Variants in DCAF8L2 observed in about 807,000 individuals in gnomAD.
DCAF8L2 encodes the protein DDB1- and CUL4-associated factor 8-like protein 2.
For synonymous variants in DCAF8L2, 200 were observed against 190.9 expected, an observed-to-expected ratio of 1.05 and a Z score of -0.39; for missense variants, 430 against 490.7, an observed-to-expected ratio of 0.88 and a Z score of 1.17.
intron 4 of DCAF8L2, among the ~76,000 whole-genome samples, chrX:27,737,607 C>G (rs1921603604): frequency 8.9e-6 from 1 of 111,821 alleles, no homozygotes; most frequent in Non-Finnish European, 1.9e-5. Context: ...AAAACAGTAT[C>G]CCCTGTCACT....
At chrX:27,595,727 G>T (rs1007274152) in intron 1 of DCAF8L2, among the ~76,000 whole-genome samples, 1 of 112,180 alleles carries the variant, frequency 8.9e-6, no homozygotes, top group Non-Finnish European at 1.9e-5. Context: ...GTTCCTTGAG[G>T]CCGAGTGCGG....
intron 2 of DCAF8L2, among the ~76,000 whole-genome samples, chrX:27,658,558 AC>A (rs1401134990): frequency 1.8e-5 from 2 of 112,287 alleles, no homozygotes; most frequent in Non-Finnish European, 3.8e-5. Flanking sequence ...CCCCTATCTC[AC>A]ACCAAAAGCA....
At chrX:27,549,750 A>G in the DCAF8L2 span, among the ~76,000 whole-genome samples, 1 of 111,358 alleles carries the variant, frequency 9.0e-6, no homozygotes, top group Non-Finnish European at 1.9e-5. Flanking sequence ...TGCTGTCATA[A>G]ACCGCTCAAA....
chrX:27,610,520 A>T (rs1927109419), intron 1 of DCAF8L2, among the ~76,000 whole-genome samples: 1 of 111,735 alleles, frequency 8.9e-6, no homozygotes, highest in South Asian at 3.7e-4. Context: ...TGCTGCAATT[A>T]ATTCATTGGC....
intron 1 of DCAF8L2, among the ~76,000 whole-genome samples, chrX:27,617,912 A>G (rs1927555385): frequency 8.9e-6 from 1 of 111,965 alleles, no homozygotes; most frequent in Non-Finnish European, 1.9e-5. Context: ...AATGGGCACT[A>G]TTTCAAAAGT....
At chrX:27,689,347 T>A (rs1930626619) in intron 3 of DCAF8L2, among the ~76,000 whole-genome samples, 2 of 111,955 alleles carry the variant, frequency 1.8e-5, no homozygotes, top group African/African-American at 6.5e-5. Flanking sequence ...CAGGTTCAAG[T>A]GATTCTCCTG....
At chrX:27,508,928 G>T in the DCAF8L2 span, among the ~76,000 whole-genome samples, 1 of 110,245 alleles carries the variant, frequency 9.1e-6, no homozygotes, top group Non-Finnish European at 1.9e-5. Context: ...GTACTCAGAA[G>T]GACTTAATAG....
intron 1 of DCAF8L2, among the ~76,000 whole-genome samples, chrX:27,628,729 G>A (rs998568496): frequency 3.7e-5 from 4 of 109,484 alleles, no homozygotes; most frequent in East Asian, 5.8e-4. Flanking sequence ...TCAGCCTCCA[G>A]AGTAGCTGGG....
chrX:27,650,855 G>A (rs1037832445), intron 2 of DCAF8L2, among the ~76,000 whole-genome samples: 79 of 111,040 alleles, frequency 7.1e-4, no homozygotes, highest in Non-Finnish European at 1.2e-3. Flanking sequence ...GTGAGAAGTG[G>A]GCATCCTTGT....
chrX:27,506,652 ATTC>A, the DCAF8L2 span, among the ~76,000 whole-genome samples: 2 of 110,470 alleles, frequency 1.8e-5, no homozygotes, highest in Non-Finnish European at 3.8e-5. Context: ...TTCAGTTGGC[ATTC>A]TTCTGTGTGC....
chrX:27,698,857 A>G (rs745742176), intron 3 of DCAF8L2, among the ~76,000 whole-genome samples: 1 of 111,868 alleles, frequency 8.9e-6, no homozygotes, highest in Non-Finnish European at 1.9e-5. Context: ...ACTGTGGGGC[A>G]GACACTGTGC....
At chrX:27,495,687 G>A in the DCAF8L2 span, among the ~76,000 whole-genome samples, 1 of 111,395 alleles carries the variant, frequency 9.0e-6, no homozygotes, top group Non-Finnish European at 1.9e-5. Flanking sequence ...TGTTATCATG[G>A]GAATTGTTTT....
chrX:27,718,535 G>C (rs1001552064), intron 4 of DCAF8L2, among the ~76,000 whole-genome samples: 5 of 111,446 alleles, frequency 4.5e-5, no homozygotes, highest in Non-Finnish European at 9.4e-5. Context: ...GTGCCTGTGA[G>C]AGTGTTTCTG....
the DCAF8L2 span, among the ~76,000 whole-genome samples, chrX:27,544,104 CA>C: frequency 9.0e-6 from 1 of 111,287 alleles, no homozygotes; most frequent in African/African-American, 3.3e-5. Flanking sequence ...TAATTTTTAT[CA>C]TTTAGTGTCT....
Position 27,726,525 on chromosome X carries a change from A to C in DCAF8L2, c.-59+10354A>C, listed in dbSNP as rs192689857. 3.9e-3 allele frequency among the ~76,000 whole-genome samples: 437 copies of C among 110,907 alleles called. 2 individuals carry two copies. The highest frequency in any genetic ancestry group is 0.013 in the African/African-American group (411 of 30,649). ...ATTACAGAGTAAACCCACCCACATAAAGCACTCAGACTAAGAAATAATATA... is the reference window on the plus strand; with the variant it reads ...ATTACAGAGTAAACCCACCCACATACAGCACTCAGACTAAGAAATAATATA... On this transcript the variant is annotated intron_variant, in intron 4 of 4. Coordinates refer to ENST00000451261, the MANE Select transcript of DCAF8L2 (RefSeq NM_001353450.2).
rs183332424 is a variant in DCAF8L2, at chrX:27,636,432, A to G, written c.-220+4432A>G. On this transcript the variant is annotated intron_variant, in intron 2 of 4. Coordinates refer to ENST00000451261, the MANE Select transcript of DCAF8L2 (RefSeq NM_001353450.2). ...TTACTTCAAATTGATCCAAAGATAT[A>G]AAGAATTAAAAACTGTGTTTATTCA... 3.6e-5 allele frequency among the ~76,000 whole-genome samples: 4 copies of G among 112,387 alleles called. No individual in the cohort carries two copies. In the East Asian group the frequency reaches 1.1e-3, roughly 31 times the overall value.
At chrX:27,642,488 T>C (rs189151509) in intron 2 of DCAF8L2, among the ~76,000 whole-genome samples, 1 of 111,324 alleles carries the variant, frequency 9.0e-6, no homozygotes, top group Non-Finnish European at 1.9e-5. Context: ...TCAGGCAGCT[T>C]TCTCACATGT....
chrX:27,556,014 T>C, the DCAF8L2 span, among the ~76,000 whole-genome samples: 1 of 111,100 alleles, frequency 9.0e-6, no homozygotes, highest in Non-Finnish European at 1.9e-5. Context: ...TCAGTGACTA[T>C]TGACCAGCTC....
rs142036254 is a variant in DCAF8L2 at position 27,736,218 on chromosome X, A to G, written c.-58-10620A>G. On this transcript the variant is annotated intron_variant, in intron 4 of 4. Coordinates refer to ENST00000451261, the MANE Select transcript of DCAF8L2 (RefSeq NM_001353450.2). The stretch of plus-strand genomic sequence containing the variant: ...ATGGTGTACCTTCTCTTTCCTTCAT[A>G]GCCCTTATCTATCAAGCAGGTCAAT... Among the ~76,000 whole-genome samples, 944 of 111,279 alleles carry G rather than the reference A, an allele frequency of 8.5e-3. 9 individuals carry two copies. Among genetic ancestry groups the G allele is most frequent in the African/African-American group, 0.029 (872 of 30,573 alleles).
Sources: allele counts gnomAD v4.1 joint callset (sites outside exome capture counted in the v4.1 genomes callset), GRCh38; gene constraint gnomAD v4.1.1; transcripts MANE v1.5; gene names NCBI Gene and HGNC (gene_info 2026-07-23, HGNC 2026-07-21).